The following XXYLT1 variants were observed in gnomAD, a reference collection of about 807,000 sequenced individuals.
The protein encoded by XXYLT1 is xyloside xylosyltransferase 1.
Under a neutral mutation model 28.9 loss-of-function variants are expected in XXYLT1, and 20 were observed. The ratio of observed to expected loss-of-function variants is 0.69; its 90% CI spans 0.49 to 1.00. XXYLT1 has a LOEUF of 1.00. Ranked by LOEUF, XXYLT1 falls within the 50% of genes least tolerant of loss-of-function variation. XXYLT1 has a pLI of 0.00. For missense variants in XXYLT1, 542 were observed against 560.1 expected (o/e 0.97, Z 0.33); for synonymous variants, 257 against 253.8 (o/e 1.01, Z -0.12).
rs1725533920 is a variant in XXYLT1, at chr3:195,257,745, C to A, written c.504+12810G>T. Among the ~76,000 whole-genome samples the A allele has an allele frequency of 6.6e-6, 1 of 152,126 alleles. No homozygotes were observed. Among genetic ancestry groups the A allele is most frequent in the South Asian group, 2.1e-4 (1 of 4,830 alleles). On this transcript the variant is annotated intron_variant, in intron 1 of 3. Coordinates refer to ENST00000310380, the MANE Select transcript of XXYLT1 (RefSeq NM_152531.5). This position sits in a 1 kb window ranked among gnomAD's most constrained non-coding sequence, Gnocchi z 4.3. ...GCCAGGCCGCCCTACCCCAGCTGCC[C>A]CCCTCTGCCCCATCTTCTGGTCATG... is the stretch of plus-strand genomic sequence containing the variant.
At chr3:195,227,128 G>A (rs569724672) in intron 1 of XXYLT1, among the ~76,000 whole-genome samples, 1 of 152,288 alleles carries the variant, frequency 6.6e-6, no homozygotes, top group Non-Finnish European at 1.5e-5. Flanking sequence ...AAGAGAAGTG[G>A]GAGGACAGGA....
intron 3 of XXYLT1, among the ~76,000 whole-genome samples, chr3:195,145,671 T>G (rs1719807169): frequency 6.6e-6 from 1 of 152,254 alleles, no homozygotes; most frequent in South Asian, 2.1e-4. Flanking sequence ...CGAGCATCTC[T>G]GTGACTTCAC....
At chr3:195,127,141 GA>G (rs1188877654) in intron 3 of XXYLT1, among the ~76,000 whole-genome samples, 1 of 152,170 alleles carries the variant, frequency 6.6e-6, no homozygotes, top group Admixed American at 6.5e-5. Flanking sequence ...TTCGCTTTGG[GA>G]AAAGCCTTCT....
chr3:195,146,890 C>A (rs192729788), intron 3 of XXYLT1: 39 of 153,794 alleles, frequency 2.5e-4, no homozygotes, highest in Non-Finnish European at 2.9e-5. Flanking sequence ...CAGGAGGTCA[C>A]CAAGTTGATG....
At chr3:195,105,611 C>T (rs937244131) in intron 3 of XXYLT1, among the ~76,000 whole-genome samples, 1 of 152,206 alleles carries the variant, frequency 6.6e-6, no homozygotes, top group Non-Finnish European at 1.5e-5. Flanking sequence ...AGGAAATTGT[C>T]GTTTAACAAC....
intron 3 of XXYLT1, among the ~76,000 whole-genome samples, chr3:195,131,109 C>T (rs1718887730): frequency 6.6e-6 from 1 of 152,192 alleles, no homozygotes; most frequent in South Asian, 2.1e-4. Flanking sequence ...CTCCCTTGTG[C>T]CGGCCTGCTC....
At position 195,156,351 on chromosome 3, in the gene XXYLT1, G is replaced by A. The variant is rs1003725905; in HGVS notation, c.785+98C>T. 5.9e-6 allele frequency: 9 copies of A among 1,537,174 alleles called. No individual in the cohort carries two copies. In the East Asian group the frequency reaches 6.8e-5, roughly 12 times the overall value. On this transcript the variant is annotated intron_variant, in intron 3 of 3. Transcript: ENST00000310380. ...CCAAGATACTAAGTGCAGAAGGATC[G>A]GACGCCACTAAATCCCAATCTGTCA...
chr3:195,081,931 G>A (rs981124119), intron 3 of XXYLT1, among the ~76,000 whole-genome samples: 1 of 152,130 alleles, frequency 6.6e-6, no homozygotes, highest in Non-Finnish European at 1.5e-5. Flanking sequence ...TGGACGAATC[G>A]GCCAGAGGAT....
At chr3:195,130,078 G>A (rs1718828986) in intron 3 of XXYLT1, among the ~76,000 whole-genome samples, 1 of 152,182 alleles carries the variant, frequency 6.6e-6, no homozygotes, top group Non-Finnish European at 1.5e-5. Context: ...ACGATGTTGA[G>A]CATCTTTTTG....
In XXYLT1 at chr3:195,129,881, A is replaced by C. The variant is rs1292403136; in HGVS notation, c.785+26568T>G. Among the ~76,000 whole-genome samples, 2 of 152,192 alleles carry C rather than the reference A, an allele frequency of 1.3e-5. No individual in the cohort carries two copies. Among genetic ancestry groups the C allele is most frequent in the Non-Finnish European group, 2.9e-5 (2 of 68,028 alleles). On this transcript the variant is annotated intron_variant, in intron 3 of 3. Coordinates refer to ENST00000310380, the MANE Select transcript of XXYLT1 (RefSeq NM_152531.5). This position sits in a 1 kb window ranked among gnomAD's most constrained non-coding sequence, Gnocchi z 4.4. ...GGTCAGGGTCACTAAGTTTGTGAAC[A>C]GCCAGACTGTTCTTCAGAGCAGCTG...
chr3:195,121,378 G>A (rs1718352722), intron 3 of XXYLT1, among the ~76,000 whole-genome samples: 1 of 152,156 alleles, frequency 6.6e-6, no homozygotes, highest in Non-Finnish European at 1.5e-5. Context: ...CAGGATGGAT[G>A]GAGACTGACG....
chr3:195,150,888 CCTCTCT>C lies in XXYLT1; in HGVS notation c.785+5555_785+5560del, dbSNP rs1004270596. ...CACACACTCTCTCCCTCTCCCTCTCCCTCTCTCTCTCTCCATCACTCCAGGGTCAGC... is the reference window on the plus strand; with the variant it reads ...CACACACTCTCTCCCTCTCCCTCTCCCTCTCTCCATCACTCCAGGGTCAGC... On this transcript the variant is annotated intron_variant, in intron 3 of 3. Coordinates refer to ENST00000310380, the MANE Select transcript of XXYLT1 (RefSeq NM_152531.5). The surrounding 1 kb of genome is among the most constrained non-coding windows in gnomAD (Gnocchi z 4.7). 5.0e-5 allele frequency among the ~76,000 whole-genome samples: 6 copies of C among 119,976 alleles called. No homozygotes were observed. Among genetic ancestry groups the C allele is most frequent in the East Asian group, 4.4e-4 (1 of 2,274 alleles). The allele number at this position is 119,976 out of a possible 152,430, so 78.7% of individuals were successfully genotyped here.
rs992916652 is a variant in XXYLT1 at position 195,077,488 on chromosome 3, G to A, written c.786-7377C>T. ...AAATGCTCCTCCCTGCCCAGGCTTA[G>A]GTTGTGGCGGCTCCTCAGCGATCAG... On this transcript the variant is annotated intron_variant, in intron 3 of 3. Coordinates refer to ENST00000310380, the MANE Select transcript of XXYLT1 (RefSeq NM_152531.5). The surrounding 1 kb of genome is among the most constrained non-coding windows in gnomAD (Gnocchi z 4.8). 1.3e-5 allele frequency among the ~76,000 whole-genome samples: 2 copies of A among 152,178 alleles called. No homozygotes were observed. Among genetic ancestry groups the A allele is most frequent in the Non-Finnish European group, 2.9e-5 (2 of 68,004 alleles).
intron 2 of XXYLT1, among the ~76,000 whole-genome samples, chr3:195,199,200 C>T (rs1376195141): frequency 6.6e-6 from 1 of 152,156 alleles, no homozygotes; most frequent in Non-Finnish European, 1.5e-5. Flanking sequence ...CCAGACCCAA[C>T]AAGCTCAGTC....
chr3:195,082,917 T>G (rs988435841), intron 3 of XXYLT1, among the ~76,000 whole-genome samples: 1 of 151,748 alleles, frequency 6.6e-6, no homozygotes, highest in Non-Finnish European at 1.5e-5. Flanking sequence ...AGGTGCCAGG[T>G]CACATGTGGC....
At chr3:195,153,068 C>G (rs565163775) in intron 3 of XXYLT1, among the ~76,000 whole-genome samples, 62 of 152,278 alleles carry the variant, frequency 4.1e-4, no homozygotes, top group African/African-American at 1.5e-3. Context: ...ATGGCCAAGC[C>G]CAAGGGCCGA....
intron 2 of XXYLT1, among the ~76,000 whole-genome samples, chr3:195,201,689 A>G (rs1434596204): frequency 6.6e-6 from 1 of 152,170 alleles, no homozygotes; most frequent in Non-Finnish European, 1.5e-5. Context: ...CCCAACTCCC[A>G]GCTGGGCAGA....
At chr3:195,082,118 G>C (rs973235293) in intron 3 of XXYLT1, among the ~76,000 whole-genome samples, 3 of 152,168 alleles carry the variant, frequency 2.0e-5, no homozygotes, top group Non-Finnish European at 4.4e-5. Context: ...TCTATGTATT[G>C]ACAAAGCCTC....
At chr3:195,120,348 G>A (rs910032164) in intron 3 of XXYLT1, among the ~76,000 whole-genome samples, 2 of 149,786 alleles carry the variant, frequency 1.3e-5, no homozygotes, top group African/African-American at 2.5e-5. Context: ...TTCAGGCTGG[G>A]CATGGAATCC....
Sources: allele counts gnomAD v4.1 joint callset (sites outside exome capture counted in the v4.1 genomes callset), GRCh38; gene constraint gnomAD v4.1.1; non-coding constraint Gnocchi (gnomAD v3.1); transcripts MANE v1.5; gene names NCBI Gene and HGNC (gene_info 2026-07-23, HGNC 2026-07-21).